ASAP1: variants seen among roughly 807,000 people sequenced by gnomAD.
ASAP1 encodes arf-GAP with SH3 domain, ANK repeat and PH domain-containing protein 1.
A neutral mutation model predicts 145.2 loss-of-function variants in ASAP1; 43 were observed. That is an observed-to-expected ratio of 0.30 (90% CI 0.23 to 0.38). The LOEUF is 0.38. Among genes scored for constraint, ASAP1 ranks in the 10% least tolerant of loss-of-function variants. ASAP1 has a pLI of 1.00. For synonymous variants in ASAP1, 546 were observed against 515.5 expected (o/e 1.06, Z -0.80); for missense variants, 1,018 against 1,355.3 (o/e 0.75, Z 3.91).
chr8:130,216,372 C>A (rs988073817), intron 4 of ASAP1, among the ~76,000 whole-genome samples: 1 of 152,150 alleles, frequency 6.6e-6, no homozygotes, highest in African/African-American at 2.4e-5. Context: ...TTTTCCAATC[C>A]ATAAAATGAG....
chr8:130,243,794 C>A (rs1218813171), intron 3 of ASAP1, among the ~76,000 whole-genome samples: 2 of 152,132 alleles, frequency 1.3e-5, no homozygotes, highest in Non-Finnish European at 2.9e-5. Context: ...GATGGTCCAA[C>A]TCCCAGTCAC....
chr8:130,418,943 G>C (rs1403985475), intron 1 of ASAP1, among the ~76,000 whole-genome samples: 2 of 152,104 alleles, frequency 1.3e-5, no homozygotes, highest in Non-Finnish European at 2.9e-5. Flanking sequence ...AGCGACATGG[G>C]CCACAGGAAT....
intron 3 of ASAP1, among the ~76,000 whole-genome samples, chr8:130,332,961 G>C (rs1824791795): frequency 1.3e-5 from 2 of 151,470 alleles, no homozygotes; most frequent in African/African-American, 4.9e-5. Flanking sequence ...ACTTATCTAA[G>C]GAAATTCTAT....
chr8:130,105,473 T>C (rs1248795151), intron 24 of ASAP1, among the ~76,000 whole-genome samples: 1 of 152,246 alleles, frequency 6.6e-6, no homozygotes, highest in Non-Finnish European at 1.5e-5. Flanking sequence ...TCTTTTTCTT[T>C]GTAGCGAGAA....
intron 27 of ASAP1, among the ~76,000 whole-genome samples, chr8:130,071,685 C>T (rs552089449): frequency 9.4e-4 from 143 of 152,310 alleles, no homozygotes; most frequent in Non-Finnish European, 1.7e-3. Flanking sequence ...AATGATTCCA[C>T]ATGCCTGAGA....
intron 3 of ASAP1, among the ~76,000 whole-genome samples, chr8:130,299,849 T>G (rs1366929398): frequency 1.3e-5 from 2 of 152,048 alleles, no homozygotes; most frequent in Admixed American, 6.6e-5. Flanking sequence ...ATAATGTGCT[T>G]CAGAGAAACA....
chr8:130,191,865 GT>G (rs1351401844), intron 5 of ASAP1, among the ~76,000 whole-genome samples: 4 of 152,088 alleles, frequency 2.6e-5, no homozygotes, highest in Non-Finnish European at 2.9e-5. Context: ...CGGGGAACAG[GT>G]TTTCCCCTTT....
chr8:130,373,806 C>T (rs1430344074), intron 2 of ASAP1, among the ~76,000 whole-genome samples: 1 of 143,348 alleles, frequency 7.0e-6, no homozygotes, highest in Non-Finnish European at 1.5e-5. Context: ...GAGATCGTGC[C>T]ACTGCACTCC....
At chr8:130,408,047 G>T (rs886450065) in intron 1 of ASAP1, among the ~76,000 whole-genome samples, 1 of 152,144 alleles carries the variant, frequency 6.6e-6, no homozygotes, top group African/African-American at 2.4e-5. Flanking sequence ...CCTCTTAAGC[G>T]ATCAGAAGCC....
intron 3 of ASAP1, among the ~76,000 whole-genome samples, chr8:130,237,556 T>G (rs1338080058): frequency 6.6e-6 from 1 of 152,030 alleles, no homozygotes; most frequent in African/African-American, 2.4e-5. Flanking sequence ...TCTTTTAATT[T>G]AAAAAAACAG....
chr8:130,105,246 A>G (rs2097535027), intron 24 of ASAP1, among the ~76,000 whole-genome samples: 1 of 152,234 alleles, frequency 6.6e-6, no homozygotes, highest in Non-Finnish European at 1.5e-5. Context: ...ACAATATAGT[A>G]TAGCAACCAT....
At chr8:130,266,520 C>T (rs762554396) in intron 3 of ASAP1, among the ~76,000 whole-genome samples, 1 of 151,898 alleles carries the variant, frequency 6.6e-6, no homozygotes, top group African/African-American at 2.4e-5. Context: ...GAATCAAATG[C>T]AAAACCACTC....
At chr8:130,387,059 T>C (rs1828051893) in intron 2 of ASAP1, among the ~76,000 whole-genome samples, 1 of 152,214 alleles carries the variant, frequency 6.6e-6, no homozygotes, top group Non-Finnish European at 1.5e-5. Flanking sequence ...GAGAAAATTG[T>C]TCTCTCCTCA....
chr8:130,241,806 G>C (rs910356880), intron 3 of ASAP1, among the ~76,000 whole-genome samples: 2 of 152,030 alleles, frequency 1.3e-5, no homozygotes, highest in African/African-American at 4.8e-5. Flanking sequence ...ATATATTTAT[G>C]CTAACTGAGC....
At chr8:130,062,084 A>G (rs1293735993) in intron 27 of ASAP1, among the ~76,000 whole-genome samples, 2 of 152,234 alleles carry the variant, frequency 1.3e-5, no homozygotes, top group African/African-American at 2.4e-5. Flanking sequence ...GGCTGTAAGC[A>G]TTATGCAGTA....
chr8:130,084,697 A>G (rs2097488958), intron 25 of ASAP1: 2 of 152,206 alleles, frequency 1.3e-5, no homozygotes, highest in African/African-American at 4.8e-5. Flanking sequence ...AAGTCATTTG[A>G]CTTCTCTGTG....
chr8:130,300,143 C>CAG (rs1458876507), intron 3 of ASAP1, among the ~76,000 whole-genome samples: 177 of 111,706 alleles, frequency 1.6e-3, no homozygotes, highest in African/African-American at 6.8e-3. Context: ...CACACACACA[C>CAG]ACACACACAC....
rs556129621 is a variant in ASAP1, at chr8:130,234,426, C to T, written c.259+2496G>A. Among the ~76,000 whole-genome samples, 6 of 152,192 alleles carry T rather than the reference C, an allele frequency of 3.9e-5. No individual in the cohort carries two copies. In the East Asian group the frequency reaches 1.2e-3, roughly 29 times the overall value. Reference sequence around the variant, plus strand: ...TCAATGTTCAATAAGCTGTACCACCCCCATCCACAAAGAGGGTGCAGTCTA... The same window carrying T: ...TCAATGTTCAATAAGCTGTACCACCTCCATCCACAAAGAGGGTGCAGTCTA... On this transcript the variant is annotated intron_variant, in intron 4 of 29. Transcript: ENST00000518721.
intron 1 of ASAP1, among the ~76,000 whole-genome samples, chr8:130,430,957 T>C (rs886738005): frequency 2.0e-5 from 3 of 152,154 alleles, no homozygotes; most frequent in African/African-American, 7.2e-5. Context: ...AGGGAGGACA[T>C]AGACTTGCGC....
Sources: gnomAD v4.1 joint callset for allele counts (sites outside exome capture counted in the v4.1 genomes callset) on GRCh38, gnomAD v4.1.1 for gene constraint, MANE v1.5 for transcripts, NCBI Gene and HGNC (gene_info 2026-07-23, HGNC 2026-07-21) for gene names.